ADARB2: variants seen among roughly 807,000 people sequenced by gnomAD.
ADARB2 encodes inactive double-stranded RNA-specific editase B2.
ADARB2 carries 25 observed loss-of-function variants against 62.2 expected under a neutral mutation model. The ratio of observed to expected loss-of-function variants is 0.40; its 90% CI spans 0.29 to 0.56. The LOEUF (loss-of-function observed/expected upper bound fraction) is 0.56. Ranked by LOEUF, ADARB2 falls within the 20% of genes least tolerant of loss-of-function variation. ADARB2 has a pLI of 0.43. For missense variants in ADARB2, 1,071 were observed against 1,077.4 expected (o/e 0.99, Z 0.08); for synonymous variants, 572 against 500.8 (o/e 1.14, Z -1.90).
At chr10:1,385,000 A>G (rs1832513916) in intron 1 of ADARB2, among the ~76,000 whole-genome samples, 2 of 152,182 alleles carry the variant, frequency 1.3e-5, no homozygotes, top group Admixed American at 1.3e-4. Flanking sequence ...TAAAAAGGTC[A>G]TGTTTTAGGA....
chr10:1,384,546 A>G (rs1041349249), intron 1 of ADARB2, among the ~76,000 whole-genome samples: 18 of 152,176 alleles, frequency 1.2e-4, no homozygotes, highest in African/African-American at 3.9e-4. Context: ...GCAAAACTGG[A>G]CAAAGTCTAT....
chr10:1,610,234 G>C (rs374195845), intron 1 of ADARB2, among the ~76,000 whole-genome samples: 5 of 152,092 alleles, frequency 3.3e-5, no homozygotes, highest in Admixed American at 2.6e-4. Context: ...GCCCCTACAC[G>C]GGCAGTTCTG....
At chr10:1,655,488 T>C (rs1187320119) in intron 1 of ADARB2, among the ~76,000 whole-genome samples, 1 of 152,216 alleles carries the variant, frequency 6.6e-6, no homozygotes, top group African/African-American at 2.4e-5. Context: ...TTATACCTAA[T>C]TTGCTATTGA....
rs573910256 is a variant in ADARB2, at chr10:1,477,118, C to G, written c.101-97958G>C. Among the ~76,000 whole-genome samples the G allele has an allele frequency of 6.6e-6, 1 of 152,332 alleles. No homozygotes were observed. Among genetic ancestry groups the G allele is most frequent in the South Asian group, 2.1e-4 (1 of 4,828 alleles). On this transcript the variant is annotated intron_variant, in intron 1 of 9. Transcript: ENST00000381312. The surrounding 1 kb of genome is among the most constrained non-coding windows in gnomAD (Gnocchi z 4.5). ...TCCCACTGCGCAGCACTGCCTCTCA[C>G]TCATGGCTGTGAAACTTGGGTTGCC...
intron 1 of ADARB2, among the ~76,000 whole-genome samples, chr10:1,559,622 G>A (rs189895217): frequency 3.3e-5 from 5 of 152,190 alleles, no homozygotes; most frequent in Admixed American, 1.3e-4. Context: ...TGGGCCGGTG[G>A]GGGGTGGTGC....
chr10:1,430,331 T>A (rs1269151475), intron 1 of ADARB2, among the ~76,000 whole-genome samples: 1 of 152,100 alleles, frequency 6.6e-6, no homozygotes, highest in Admixed American at 6.6e-5. Flanking sequence ...ATAAGCAGAA[T>A]GAGAGGCAGA....
chr10:1,234,618 T>G (rs1472815422), intron 5 of ADARB2, among the ~76,000 whole-genome samples: 1 of 151,770 alleles, frequency 6.6e-6, no homozygotes, highest in Admixed American at 6.6e-5. Context: ...TTTATTTACT[T>G]TTTTTTAGAG....
intron 1 of ADARB2, among the ~76,000 whole-genome samples, chr10:1,395,416 A>G (rs2820596): frequency 0.96 from 146,571 of 152,264 alleles, 70,795 homozygotes; most frequent in East Asian, 1. Context: ...AGAGGTCCTG[A>G]CAGTTCCTTG....
intron 1 of ADARB2, among the ~76,000 whole-genome samples, chr10:1,463,080 C>T (rs1026242026): frequency 5.9e-5 from 9 of 152,030 alleles, no homozygotes; most frequent in Admixed American, 3.9e-4. Context: ...CCTAAGTGAG[C>T]GGAGCATAGT....
intron 1 of ADARB2, among the ~76,000 whole-genome samples, chr10:1,388,999 G>A (rs1218061039): frequency 2.6e-5 from 4 of 152,206 alleles, no homozygotes; most frequent in Non-Finnish European, 5.9e-5. Flanking sequence ...AATCAAGTCT[G>A]TATGATCAAC....
chr10:1,266,829 C>T (rs1022023754), intron 4 of ADARB2, among the ~76,000 whole-genome samples: 1 of 151,864 alleles, frequency 6.6e-6, no homozygotes, highest in Non-Finnish European at 1.5e-5. Context: ...AAGAGGCTCC[C>T]TTGAAAAAGG....
At chr10:1,468,548 G>A (rs112046342) in intron 1 of ADARB2, among the ~76,000 whole-genome samples, 1 of 152,176 alleles carries the variant, frequency 6.6e-6, no homozygotes, top group Non-Finnish European at 1.5e-5. Context: ...ATCCCCCAGC[G>A]CTGCTATCCA....
chr10:1,568,589 A>G (rs1055400821), intron 1 of ADARB2, among the ~76,000 whole-genome samples: 1 of 137,534 alleles, frequency 7.3e-6, no homozygotes, highest in Non-Finnish European at 1.6e-5. Context: ...AAAAGAGAGG[A>G]AGGAGGAAAG....
At chr10:1,648,984 A>G (rs528822194) in intron 1 of ADARB2, among the ~76,000 whole-genome samples, 97 of 152,290 alleles carry the variant, frequency 6.4e-4, no homozygotes, top group African/African-American at 1.8e-3. Context: ...GCCCCTCCAC[A>G]GTTTGCGGTG....
intron 3 of ADARB2, among the ~76,000 whole-genome samples, chr10:1,287,149 G>A (rs1433225711): frequency 1.3e-5 from 2 of 152,160 alleles, no homozygotes; most frequent in African/African-American, 4.8e-5. Flanking sequence ...TGCTGCTGGT[G>A]AGGCCTGTCC....
chr10:1,627,821 C>T (rs1772373819), intron 1 of ADARB2, among the ~76,000 whole-genome samples: 1 of 152,216 alleles, frequency 6.6e-6, no homozygotes, highest in Non-Finnish European at 1.5e-5. Context: ...AACCGAGACA[C>T]AGCCTCGTAG....
At chr10:1,643,616 G>C (rs1437614735) in intron 1 of ADARB2, among the ~76,000 whole-genome samples, 1 of 152,230 alleles carries the variant, frequency 6.6e-6, no homozygotes, top group Non-Finnish European at 1.5e-5. Flanking sequence ...AGGCCAGGAA[G>C]AACTCAAGTC....
intron 1 of ADARB2, among the ~76,000 whole-genome samples, chr10:1,379,614 T>C (rs1017767062): frequency 6.6e-6 from 1 of 152,238 alleles, no homozygotes; most frequent in African/African-American, 2.4e-5. Context: ...CTTTCTGGGC[T>C]TGACATGCAT....
At chr10:1,517,695 G>A (rs930429136) in intron 1 of ADARB2, among the ~76,000 whole-genome samples, 6 of 152,178 alleles carry the variant, frequency 3.9e-5, no homozygotes, top group Admixed American at 2.0e-4. Flanking sequence ...TCCCAAGGTG[G>A]GGTGGACCCA....
Sources: allele counts gnomAD v4.1 joint callset (sites outside exome capture counted in the v4.1 genomes callset), GRCh38; gene constraint gnomAD v4.1.1; non-coding constraint Gnocchi (gnomAD v3.1); transcripts MANE v1.5; gene names NCBI Gene and HGNC (gene_info 2026-07-23, HGNC 2026-07-21).